The following ANKS1A variants were observed in gnomAD, a reference collection of about 807,000 sequenced individuals.
ANKS1A encodes the protein ankyrin repeat and SAM domain-containing protein 1A.
In ANKS1A, 55 loss-of-function variants were observed where a neutral mutation model predicts 120.3. The ratio of observed to expected loss-of-function variants is 0.46; its 90% CI spans 0.37 to 0.57. The LOEUF (loss-of-function observed/expected upper bound fraction) is 0.57, where lower values mean the gene tolerates loss of function less well. Ranked by LOEUF, ANKS1A falls within the 20% of genes least tolerant of loss-of-function variation. The pLI, the probability that ANKS1A is intolerant of heterozygous loss-of-function variation, is 0.00. For missense variants in ANKS1A, 1,123 were observed against 1,480.3 expected (o/e 0.76, Z 3.96); for synonymous variants, 590 against 604.7 (o/e 0.98, Z 0.36).
intron 10 of ANKS1A, among the ~76,000 whole-genome samples, chr6:35,012,914 C>T (rs141458650): frequency 2.0e-5 from 3 of 152,218 alleles, no homozygotes; most frequent in African/African-American, 7.2e-5. Flanking sequence ...GGGCAGAGCT[C>T]GGGGAACATG....
intron 1 of ANKS1A, among the ~76,000 whole-genome samples, chr6:34,912,055 A>G (rs1767931848): frequency 6.6e-6 from 1 of 152,242 alleles, no homozygotes; most frequent in South Asian, 2.1e-4. Flanking sequence ...GTAAACAAGC[A>G]TGCTACAATT....
chr6:34,995,744 C>T (rs1424999513), intron 10 of ANKS1A, among the ~76,000 whole-genome samples: 6 of 152,282 alleles, frequency 3.9e-5, no homozygotes, highest in East Asian at 3.9e-4. Context: ...ATCAATAATT[C>T]GTTCCTTTTC....
Position 35,060,506 on chromosome 6 carries a change from G to A in ANKS1A, c.2184+253G>A, listed in dbSNP as rs1348778657. Among the ~76,000 whole-genome samples, 3 of 152,212 alleles carry A rather than the reference G, an allele frequency of 2.0e-5. No individual in the cohort carries two copies. The highest frequency in any genetic ancestry group is 7.2e-5 in the African/African-American group (3 of 41,458). ...TTGCAGATCTGCTTCCCAAGAAGGA[G>A]GGTCCCTGATTCAGCCCTGTGTCCC... On this transcript the variant is annotated intron_variant, in intron 13 of 23. Transcript: ENST00000360359. The surrounding 1 kb of genome is among the most constrained non-coding windows in gnomAD (Gnocchi z 4.5).
intron 11 of ANKS1A, among the ~76,000 whole-genome samples, chr6:35,037,250 C>T (rs1775222885): frequency 6.6e-6 from 1 of 152,144 alleles, no homozygotes; most frequent in Non-Finnish European, 1.5e-5. Context: ...TTAGTATCTG[C>T]TAGCAGCCAT....
chr6:35,003,278 G>A (rs1335876482), intron 10 of ANKS1A, among the ~76,000 whole-genome samples: 1 of 152,178 alleles, frequency 6.6e-6, no homozygotes, highest in Non-Finnish European at 1.5e-5. Context: ...TCATACGGTT[G>A]CAAGCTGTTT....
At chr6:34,989,143 A>G in intron 8 of ANKS1A, 81 bp from the exon 9 acceptor site, 1 of 1,317,376 alleles carries the variant, frequency 7.6e-7, no homozygotes, top group South Asian at 1.3e-5. Flanking sequence ...TTTCATTTCT[A>G]AGGGCTAAGA....
chr6:34,977,485 T>C (rs1204642632), intron 3 of ANKS1A, among the ~76,000 whole-genome samples: 1 of 152,028 alleles, frequency 6.6e-6, no homozygotes, highest in Admixed American at 6.5e-5. Flanking sequence ...AGAGCAGGAA[T>C]CTTTCTGTCA....
chr6:34,936,958 T>C (rs1323329711), intron 1 of ANKS1A, among the ~76,000 whole-genome samples: 1 of 152,232 alleles, frequency 6.6e-6, no homozygotes, highest in Non-Finnish European at 1.5e-5. Context: ...ATGAATCTCA[T>C]GTAGGTGGAC....
chr6:34,910,578 G>A (rs145951332), intron 1 of ANKS1A, among the ~76,000 whole-genome samples: 4 of 151,766 alleles, frequency 2.6e-5, no homozygotes, highest in African/African-American at 7.2e-5. Context: ...AAGAATGAAT[G>A]GGCTGGGTGT....
At position 35,083,475 on chromosome 6, in the gene ANKS1A, G is replaced by C; in HGVS notation, c.2966G>C (p.Gly989Ala). The change falls in exon 20 of 24, where the codon GGT becomes GCT. Residue 989 changes from glycine to alanine, a missense_variant. By Grantham distance (60) the Gly-to-Ala change is moderately conservative. Coordinates refer to ENST00000360359, the MANE Select transcript of ANKS1A (RefSeq NM_015245.3). ...ATCATCCTGTCCATCACATACAAAG[G>C]TGTCAAGTTCATCGATGCCTCCAAC... ...PTIILSITYK[G>A]VKFIDASNKN... is the part of the protein sequence containing the mutation. The C allele has an allele frequency of 6.2e-7, 1 of 1,614,080 alleles. No individual in the cohort carries two copies. Among genetic ancestry groups the C allele is most frequent in the South Asian group, 1.1e-5 (1 of 91,076 alleles).
At chr6:34,898,803 T>G (rs1174989660) in intron 1 of ANKS1A, among the ~76,000 whole-genome samples, 1 of 152,178 alleles carries the variant, frequency 6.6e-6, no homozygotes, top group Admixed American at 6.5e-5. Context: ...TGAAAACACT[T>G]TCCTATATTT....
At chr6:34,945,888 A>G (rs924604353) in intron 1 of ANKS1A, among the ~76,000 whole-genome samples, 3 of 151,770 alleles carry the variant, frequency 2.0e-5, no homozygotes, top group South Asian at 4.1e-4. Flanking sequence ...TTTAATATCT[A>G]TGGGATCTGT....
intron 11 of ANKS1A, chr6:35,038,131 C>A (rs907867441): frequency 2.2e-6 from 1 of 453,818 alleles, no homozygotes; most frequent in African/African-American, 2.0e-5. Flanking sequence ...CAGCCTGTGC[C>A]TTTCCTCTAA....
intron 17 of ANKS1A, among the ~76,000 whole-genome samples, chr6:35,081,493 CCA>C (rs933425642): frequency 3.3e-5 from 5 of 152,174 alleles, no homozygotes; most frequent in South Asian, 2.1e-4. Flanking sequence ...CCTGCTGGCC[CCA>C]GAGCCCTCTG....
downstream of ANKS1A, chr6:35,091,525 G>A: frequency 2.9e-6 from 2 of 699,846 alleles, no homozygotes; most frequent in Non-Finnish European, 3.5e-6. Flanking sequence ...CCGTTTGGCT[G>A]AGATGACGAC....
At chr6:35,006,605 T>A (rs1036550823) in intron 10 of ANKS1A, among the ~76,000 whole-genome samples, 1 of 151,520 alleles carries the variant, frequency 6.6e-6, no homozygotes, top group African/African-American at 2.4e-5. Context: ...ATACAAAAAA[T>A]TTAGCTGGGC....
intron 1 of ANKS1A, among the ~76,000 whole-genome samples, chr6:34,963,022 C>G (rs1770723026): frequency 6.6e-6 from 1 of 151,734 alleles, no homozygotes; most frequent in Non-Finnish European, 1.5e-5. Flanking sequence ...CTACCACACC[C>G]AGCTAATTTT....
intron 10 of ANKS1A, among the ~76,000 whole-genome samples, chr6:35,008,035 G>A (rs912458692): frequency 1.3e-5 from 2 of 152,122 alleles, no homozygotes; most frequent in African/African-American, 4.8e-5. Flanking sequence ...GGTTTAATGA[G>A]ATTTCAGGAA....
chr6:35,089,938 C>G lies in ANKS1A; in HGVS notation c.*1329C>G, dbSNP rs530347528. The G allele has an allele frequency of 5.2e-6, 6 of 1,164,948 alleles. No homozygotes were observed. Among genetic ancestry groups the G allele is most frequent in the African/African-American group, 1.6e-5 (1 of 62,094 alleles). 72.2% of individuals were successfully genotyped at this position (1,164,948 alleles called of 1,614,324 possible). A position where few individuals can be genotyped will look rare whatever the true frequency, so the allele number is the denominator to read the frequency against. On this transcript the variant is annotated 3_prime_UTR_variant, in exon 24 of 24. Transcript: ENST00000360359. ...TAATCCAGGCTTCAGCAACACTCCT[C>G]TTTCCCAGCCAGCAAAGGCTGTGAA...
Sources: allele counts gnomAD v4.1 joint callset (sites outside exome capture counted in the v4.1 genomes callset), GRCh38; gene constraint gnomAD v4.1.1; non-coding constraint Gnocchi (gnomAD v3.1); transcripts MANE v1.5; gene names NCBI Gene and HGNC (gene_info 2026-07-23, HGNC 2026-07-21).